KLF12: variants seen among roughly 807,000 people sequenced by gnomAD.
KLF12 encodes KLF transcription factor 12.
Under a neutral mutation model 37.8 loss-of-function variants are expected in KLF12, and 9 were observed. The observed-to-expected ratio is 0.24, with a 90% CI of 0.14 to 0.42. The LOEUF is 0.42. Ranked by LOEUF, KLF12 falls within the 10% of genes least tolerant of loss-of-function variation. The pLI, the probability that KLF12 is intolerant of heterozygous loss-of-function variation, is 1.00. For synonymous variants in KLF12, 208 were observed against 202.1 expected, an observed-to-expected ratio of 1.03 and a Z score of -0.25; for missense variants, 411 against 516.0, an observed-to-expected ratio of 0.80 and a Z score of 1.97.
intron 1 of KLF12, among the ~76,000 whole-genome samples, chr13:73,998,140 G>C (rs1304826405): frequency 6.6e-6 from 1 of 152,154 alleles, no homozygotes; most frequent in Non-Finnish European, 1.5e-5. Context: ...TGGCCATAGT[G>C]AAAGTGAATG....
intron 6 of KLF12, among the ~76,000 whole-genome samples, chr13:73,736,524 T>C (rs1173472697): frequency 6.6e-6 from 1 of 152,218 alleles, no homozygotes; most frequent in African/African-American, 2.4e-5. Context: ...TCTCATAATT[T>C]CCATACAATT....
At chr13:74,134,490 C>A (rs1025267903), upstream of KLF12, among the ~76,000 whole-genome samples, 2 of 151,976 alleles carry the variant, frequency 1.3e-5, no homozygotes, top group Admixed American at 6.5e-5. Context: ...CTCGCCTCCC[C>A]GCCCGGACCG....
chr13:73,704,279 C>A lies in KLF12; in HGVS notation c.1028-8608G>T, dbSNP rs531672107. On this transcript the variant is annotated intron_variant, in intron 7 of 7. Coordinates refer to ENST00000377669, the MANE Select transcript of KLF12 (RefSeq NM_007249.5). The stretch of plus-strand genomic sequence containing the variant: ...GCCAGAGAGGGAGACAGGACATTTC[C>A]AACTGGTGGTCTGAAAGCATCTTCA... Among the ~76,000 whole-genome samples the A allele has an allele frequency of 3.2e-4, 49 of 152,272 alleles. No individual in the cohort carries two copies. In the East Asian group the frequency reaches 4.8e-3, roughly 15 times the overall value.
At chr13:73,872,788 G>GCAATGGAAGGCTA (rs1886532345) in intron 3 of KLF12, among the ~76,000 whole-genome samples, 1 of 152,156 alleles carries the variant, frequency 6.6e-6, no homozygotes, top group Non-Finnish European at 1.5e-5. Context: ...TTAGTGGTAA[G>GCAATGGAAGGCTA]CAATGGAAGG....
intron 1 of KLF12, among the ~76,000 whole-genome samples, chr13:74,019,868 C>T (rs1892796027): frequency 6.6e-6 from 1 of 152,194 alleles, no homozygotes; most frequent in Non-Finnish European, 1.5e-5. Flanking sequence ...TGCTCAGGGT[C>T]ATGGCCTGGA....
chr13:73,862,742 A>G (rs1368013006), intron 3 of KLF12, among the ~76,000 whole-genome samples: 1 of 152,160 alleles, frequency 6.6e-6, no homozygotes, highest in South Asian at 2.1e-4. Flanking sequence ...ACGTTATTCA[A>G]TTATTTATTA....
the KLF12 span, among the ~76,000 whole-genome samples, chr13:74,206,120 C>A: frequency 6.6e-6 from 1 of 152,100 alleles, no homozygotes; most frequent in Non-Finnish European, 1.5e-5. Flanking sequence ...GGTACCCAAC[C>A]ATGATAAAAT....
chr13:74,263,424 G>A, the KLF12 span, among the ~76,000 whole-genome samples: 12 of 152,194 alleles, frequency 7.9e-5, no homozygotes, highest in African/African-American at 2.9e-4. Flanking sequence ...CCCAGTAGAA[G>A]AGCATATAGA....
At chr13:74,219,760 G>A in the KLF12 span, among the ~76,000 whole-genome samples, 11 of 152,174 alleles carry the variant, frequency 7.2e-5, no homozygotes, top group Admixed American at 7.2e-4. Flanking sequence ...AACATTCCGT[G>A]GTCTTCTAAG....
chr13:73,762,901 G>T (rs2138061231), intron 6 of KLF12, among the ~76,000 whole-genome samples: 1 of 152,258 alleles, frequency 6.6e-6, no homozygotes, highest in South Asian at 2.1e-4. Flanking sequence ...ACCTAAGGAA[G>T]ATTCAAGGTA....
At chr13:73,930,336 T>C (rs956538454) in intron 3 of KLF12, among the ~76,000 whole-genome samples, 53 of 152,338 alleles carry the variant, frequency 3.5e-4, no homozygotes, top group African/African-American at 1.3e-3. Context: ...ATGTCATACA[T>C]TATTTTTGCC....
intron 2 of KLF12, among the ~76,000 whole-genome samples, chr13:73,958,203 T>G (rs1268313208): frequency 6.6e-6 from 1 of 152,152 alleles, no homozygotes; most frequent in Admixed American, 6.5e-5. Flanking sequence ...ATTAATTACA[T>G]GTTGAATGGT....
intron 1 of KLF12, among the ~76,000 whole-genome samples, chr13:73,997,175 G>A (rs1420817862): frequency 2.0e-5 from 3 of 152,154 alleles, no homozygotes; most frequent in East Asian, 3.8e-4. Context: ...CATACTTTAA[G>A]TAGCACAAAT....
At chr13:73,960,810 T>C (rs987845670) in intron 2 of KLF12, among the ~76,000 whole-genome samples, 1 of 152,212 alleles carries the variant, frequency 6.6e-6, no homozygotes, top group Admixed American at 6.5e-5. Flanking sequence ...TGTTAACTCA[T>C]CTGAGAATGA....
the KLF12 span, among the ~76,000 whole-genome samples, chr13:74,157,542 T>C: frequency 8.9e-4 from 136 of 152,278 alleles, no homozygotes; most frequent in Admixed American, 1.5e-3. Flanking sequence ...GCTCTTAACA[T>C]AGTAGACACA....
At chr13:74,280,317 G>T in the KLF12 span, among the ~76,000 whole-genome samples, 1 of 152,130 alleles carries the variant, frequency 6.6e-6, no homozygotes, top group East Asian at 1.9e-4. Context: ...AGAGTGTAAT[G>T]ACCAGTTTTG....
intron 3 of KLF12, among the ~76,000 whole-genome samples, chr13:73,898,648 A>G (rs187322792): frequency 1.9e-4 from 29 of 152,284 alleles, no homozygotes; most frequent in African/African-American, 6.5e-4. Context: ...GGAGGTGGAC[A>G]AGGAGGGGCT....
intron 3 of KLF12, among the ~76,000 whole-genome samples, chr13:73,913,544 C>T (rs1566455540): frequency 6.6e-6 from 1 of 152,284 alleles, no homozygotes; most frequent in South Asian, 2.1e-4. Flanking sequence ...AATACAATGA[C>T]CAAGAGACTC....
At chr13:73,793,878 A>C (rs1317422518) in intron 5 of KLF12, among the ~76,000 whole-genome samples, 1 of 152,232 alleles carries the variant, frequency 6.6e-6, no homozygotes, top group African/African-American at 2.4e-5. Flanking sequence ...AACACAAACC[A>C]CATGACCAAA....
Sources: allele counts gnomAD v4.1 joint callset (sites outside exome capture counted in the v4.1 genomes callset), GRCh38; gene constraint gnomAD v4.1.1; transcripts MANE v1.5; gene names NCBI Gene and HGNC (gene_info 2026-07-23, HGNC 2026-07-21).